The following SNAPC1 variants were observed in gnomAD, a reference collection of about 807,000 sequenced individuals.
The protein encoded by SNAPC1 is snRNA-activating protein complex subunit 1.
Under a neutral mutation model 50.1 loss-of-function variants are expected in SNAPC1, and 42 were observed. That is an observed-to-expected ratio of 0.84 (90% CI 0.65 to 1.08). SNAPC1 has a LOEUF of 1.08. SNAPC1 is among the 50% of genes least tolerant of loss of function. The pLI is 0.00. For synonymous variants in SNAPC1, 164 were observed against 144.2 expected, an observed-to-expected ratio of 1.14 and a Z score of -0.98; for missense variants, 477 against 427.3, an observed-to-expected ratio of 1.12 and a Z score of -1.02.
chr14:61,788,682 G>A (rs769274560), intron 8 of SNAPC1, among the ~76,000 whole-genome samples: 73 of 152,144 alleles, frequency 4.8e-4, no homozygotes, highest in Non-Finnish European at 9.3e-4. Flanking sequence ...GATAATGAAA[G>A]TGTGAGGAAA....
In SNAPC1 at chr14:61,778,145, G is replaced by C; in HGVS notation, c.762+5G>C. 1 of 1,582,822 alleles carries C rather than the reference G, an allele frequency of 6.3e-7. No individual in the cohort carries two copies. The highest frequency in any genetic ancestry group is 8.6e-7 in the Non-Finnish European group (1 of 1,156,878). On this transcript the variant is annotated splice_donor_5th_base_variant and intron_variant, in intron 6 of 9. Transcript: ENST00000216294. ...GGAAATTCACAAGAAACGGAGGTCA[G>C]AAAACTTTGCAATTCATATTATGTG... is the stretch of plus-strand genomic sequence containing the variant.
At chr14:61,789,348 A>G (rs559730391) in intron 8 of SNAPC1, among the ~76,000 whole-genome samples, 1 of 152,180 alleles carries the variant, frequency 6.6e-6, no homozygotes, top group African/African-American at 2.4e-5. Flanking sequence ...GGCTTTTTAA[A>G]AAAGTATGAT....
chr14:61,767,452 G>A (rs762818834), intron 3 of SNAPC1, 100 bp downstream of exon 3: 122 of 694,114 alleles, frequency 1.8e-4, no homozygotes, highest in Non-Finnish European at 2.4e-4. Flanking sequence ...AGTATTGATA[G>A]TGTTCAAGAC....
chr14:61,768,855 C>T, intron 4 of SNAPC1, 115 bp downstream of exon 4: 1 of 568,562 alleles, frequency 1.8e-6, no homozygotes, highest in Admixed American at 3.0e-5. Context: ...TTTAACCACT[C>T]TAGGATGCTA....
intron 4 of SNAPC1, among the ~76,000 whole-genome samples, chr14:61,770,988 C>T (rs554934484): frequency 5.9e-5 from 9 of 152,168 alleles, no homozygotes; most frequent in South Asian, 2.1e-4. Flanking sequence ...GCGATCCGCC[C>T]GCCTCAGCCT....
intron 1 of SNAPC1, among the ~76,000 whole-genome samples, chr14:61,765,769 C>A (rs1322166359): frequency 6.6e-6 from 1 of 152,076 alleles, no homozygotes; most frequent in African/African-American, 2.4e-5. Context: ...TGATTGATTG[C>A]CAACAAAGCC....
At chr14:61,764,691 T>C (rs899909168) in intron 1 of SNAPC1, among the ~76,000 whole-genome samples, 2 of 152,132 alleles carry the variant, frequency 1.3e-5, no homozygotes, top group Non-Finnish European at 2.9e-5. Context: ...AAAAATGCAT[T>C]TAAGGAAAAA....
chr14:61,787,278 T>A (rs1426919487), intron 8 of SNAPC1, among the ~76,000 whole-genome samples: 2 of 152,190 alleles, frequency 1.3e-5, no homozygotes, highest in African/African-American at 4.8e-5. Context: ...TTATTGTATG[T>A]TAATAATACT....
chr14:61,771,406 A>C (rs1330058906), intron 4 of SNAPC1, among the ~76,000 whole-genome samples: 1 of 152,184 alleles, frequency 6.6e-6, no homozygotes, highest in African/African-American at 2.4e-5. Flanking sequence ...ACAGCAAAGG[A>C]CTGGTCTGAG....
At chr14:61,765,467 G>C (rs994955315) in intron 1 of SNAPC1, among the ~76,000 whole-genome samples, 1 of 152,128 alleles carries the variant, frequency 6.6e-6, no homozygotes. Flanking sequence ...GAAGTACGTT[G>C]GTTCGTTCTG....
At chr14:61,770,201 T>G (rs1311290219) in intron 4 of SNAPC1, among the ~76,000 whole-genome samples, 1 of 151,946 alleles carries the variant, frequency 6.6e-6, no homozygotes, top group Non-Finnish European at 1.5e-5. Context: ...GATCTTAGAT[T>G]TACTCAAATG....
Position 61,768,130 on chromosome 14 carries a change from T to C in SNAPC1, c.430-506T>C, listed in dbSNP as rs371515915. On this transcript the variant is annotated intron_variant, in intron 3 of 9. Coordinates refer to ENST00000216294, the MANE Select transcript of SNAPC1 (RefSeq NM_003082.4). ...GTATTTTCTAATTACTACTTTTTTT[T>C]CTGCAAGCAAAAATTTAGCCTTTGC... Among the ~76,000 whole-genome samples, 14 of 152,374 alleles carry C rather than the reference T, an allele frequency of 9.2e-5. No individual in the cohort carries two copies. In the East Asian group the frequency reaches 2.7e-3, roughly 29 times the overall value.
At chr14:61,781,681 A>C (rs1443369904) in intron 7 of SNAPC1, among the ~76,000 whole-genome samples, 1 of 152,228 alleles carries the variant, frequency 6.6e-6, no homozygotes, top group Non-Finnish European at 1.5e-5. Flanking sequence ...TGACAGCTCC[A>C]GCCTTGCATG....
chr14:61,771,007 A>G (rs1177375894), intron 4 of SNAPC1, among the ~76,000 whole-genome samples: 4 of 152,090 alleles, frequency 2.6e-5, no homozygotes, highest in Non-Finnish European at 4.4e-5. Flanking sequence ...CTCCCAAAGT[A>G]CTGCAATTAC....
At chr14:61,794,025 T>G (rs554781073) in intron 9 of SNAPC1, among the ~76,000 whole-genome samples, 1 of 152,340 alleles carries the variant, frequency 6.6e-6, no homozygotes, top group East Asian at 1.9e-4. Flanking sequence ...TTCTTTGCTT[T>G]TAATGATCAG....
At position 61,762,420 on chromosome 14, in the gene SNAPC1, A is replaced by AGAGTCGTGCGGGCTTCG; in HGVS notation, c.-38_-37insTCGTGCGGGCTTCGGAG. The AGAGTCGTGCGGGCTTCG allele has an allele frequency of 7.2e-7, 1 of 1,382,478 alleles. No homozygotes were observed. The highest frequency in any genetic ancestry group is 9.9e-7 in the Non-Finnish European group (1 of 1,012,404). The allele number at this position is 1,382,478 out of a possible 1,614,324, so 85.6% of individuals were successfully genotyped here. A position where few individuals can be genotyped will look rare whatever the true frequency, so the allele number is the denominator to read the frequency against. ...GGCGACCACCGCTGGCTAGTCCGTT[A>AGAGTCGTGCGGGCTTCG]GAGGCGTGCGGGCTTCGGAGGCGTG... is the stretch of plus-strand genomic sequence containing the variant. On this transcript the variant is annotated 5_prime_UTR_variant, in exon 1 of 10. Coordinates refer to ENST00000216294, the MANE Select transcript of SNAPC1 (RefSeq NM_003082.4).
intron 2 of SNAPC1, 49 bp downstream of exon 2, chr14:61,767,084 C>A: frequency 8.0e-7 from 1 of 1,247,362 alleles, no homozygotes; most frequent in East Asian, 2.6e-5. Flanking sequence ...AAAACAAGTA[C>A]CATATTTTTA....
intron 4 of SNAPC1, among the ~76,000 whole-genome samples, 189 bp downstream of exon 4, chr14:61,768,929 C>T (rs1294657302): frequency 3.3e-5 from 5 of 151,834 alleles, no homozygotes; most frequent in African/African-American, 1.2e-4. Flanking sequence ...CTTGAAATAG[C>T]GTGAGAAAAA....
In SNAPC1 at chr14:61,778,845, C is replaced by T; in HGVS notation, c.763-3C>T. On this transcript the variant is annotated splice_region_variant and splice_polypyrimidine_tract_variant and intron_variant, in intron 6 of 9. Coordinates refer to ENST00000216294, the MANE Select transcript of SNAPC1 (RefSeq NM_003082.4). The stretch of plus-strand genomic sequence containing the variant: ...TTTTTTTTCCTTCTTATTTTACATC[C>T]AGAGATGTGAAAGGGCAGAATCATT... 6.5e-7 allele frequency: 1 copy of T among 1,548,232 alleles called. No individual in the cohort carries two copies. Among genetic ancestry groups the T allele is most frequent in the East Asian group, 2.4e-5 (1 of 41,716 alleles).
Sources: gnomAD v4.1 joint callset for allele counts (sites outside exome capture counted in the v4.1 genomes callset) on GRCh38, gnomAD v4.1.1 for gene constraint, MANE v1.5 for transcripts, NCBI Gene and HGNC (gene_info 2026-07-23, HGNC 2026-07-21) for gene names.